KCNB2: variants seen among roughly 807,000 people sequenced by gnomAD.
The protein encoded by KCNB2 is potassium voltage-gated channel subfamily B member 2.
In KCNB2, 15 loss-of-function variants were observed where a neutral mutation model predicts 61.5. That is an observed-to-expected ratio of 0.24 (90% CI 0.16 to 0.38). The LOEUF (loss-of-function observed/expected upper bound fraction) is 0.38. KCNB2 is among the 10% of genes least tolerant of loss of function. The pLI is 1.00. For missense variants in KCNB2, 828 were observed against 1,125.2 expected, an observed-to-expected ratio of 0.74 and a Z score of 3.78; for synonymous variants, 457 against 446.0, an observed-to-expected ratio of 1.02 and a Z score of -0.31.
At chr8:72,845,171 T>C (rs1315649762) in intron 2 of KCNB2, among the ~76,000 whole-genome samples, 1 of 152,192 alleles carries the variant, frequency 6.6e-6, no homozygotes, top group Non-Finnish European at 1.5e-5. Flanking sequence ...TTTCTGTTAG[T>C]TTTCCTTCTA....
chr8:72,900,662 A>G (rs1038299550), intron 2 of KCNB2, among the ~76,000 whole-genome samples: 4 of 152,166 alleles, frequency 2.6e-5, no homozygotes, highest in African/African-American at 9.7e-5. Context: ...CAAAAAACAA[A>G]TAGCCCATAA....
chr8:72,802,126 T>C (rs1312328882), intron 2 of KCNB2, among the ~76,000 whole-genome samples: 4 of 152,234 alleles, frequency 2.6e-5, no homozygotes, highest in Admixed American at 2.6e-4. Context: ...TTCTTTTCAA[T>C]TGTTACGTAG....
At chr8:72,665,537 A>C (rs923534710) in intron 2 of KCNB2, among the ~76,000 whole-genome samples, 7 of 132,642 alleles carry the variant, frequency 5.3e-5, no homozygotes, top group Admixed American at 3.9e-4. Context: ...ATTATAAATA[A>C]CATAATAGAG....
At chr8:72,817,807 GA>G (rs1809427125) in intron 2 of KCNB2, among the ~76,000 whole-genome samples, 1 of 152,100 alleles carries the variant, frequency 6.6e-6, no homozygotes, top group South Asian at 2.1e-4. Flanking sequence ...TCTCCTCACA[GA>G]AATCTTCCAT....
At chr8:72,721,224 CT>C (rs745439788) in intron 2 of KCNB2, among the ~76,000 whole-genome samples, 2 of 152,222 alleles carry the variant, frequency 1.3e-5, no homozygotes, top group Non-Finnish European at 1.5e-5. Context: ...ACTGCTATTG[CT>C]ATGACACACG....
chr8:72,709,074 A>G (rs1228036628), intron 2 of KCNB2, among the ~76,000 whole-genome samples: 1 of 152,212 alleles, frequency 6.6e-6, no homozygotes, highest in Admixed American at 6.5e-5. Flanking sequence ...CCCTTTGATA[A>G]TACTGCTCTA....
At chr8:72,912,054 G>T (rs146166173) in intron 2 of KCNB2, among the ~76,000 whole-genome samples, 1 of 152,118 alleles carries the variant, frequency 6.6e-6, no homozygotes, top group African/African-American at 2.4e-5. Context: ...AATATCTCAC[G>T]TCATTCACTT....
intron 2 of KCNB2, among the ~76,000 whole-genome samples, chr8:72,575,690 A>G (rs1217519653): frequency 5.9e-5 from 9 of 152,178 alleles, no homozygotes. Context: ...AGTTTGTTCC[A>G]CAAAAGAGGC....
intron 2 of KCNB2, among the ~76,000 whole-genome samples, chr8:72,819,858 A>G (rs985076589): frequency 1.3e-5 from 2 of 152,162 alleles, no homozygotes; most frequent in Admixed American, 1.3e-4. Flanking sequence ...CTCCACTGCT[A>G]TCAAATAAAG....
At chr8:72,845,025 T>G (rs1251504215) in intron 2 of KCNB2, among the ~76,000 whole-genome samples, 1 of 152,188 alleles carries the variant, frequency 6.6e-6, no homozygotes, top group African/African-American at 2.4e-5. Flanking sequence ...GGTGTTCTGT[T>G]TTTTGGGATT....
At chr8:72,638,184 G>C (rs1431643450) in intron 2 of KCNB2, among the ~76,000 whole-genome samples, 1 of 152,080 alleles carries the variant, frequency 6.6e-6, no homozygotes, top group Non-Finnish European at 1.5e-5. Context: ...AACTCTGTAA[G>C]GGATCATTTA....
chr8:72,826,541 A>G (rs1403935490), intron 2 of KCNB2, among the ~76,000 whole-genome samples: 1 of 152,192 alleles, frequency 6.6e-6, no homozygotes, highest in African/African-American at 2.4e-5. Context: ...AATAAAAGGA[A>G]ATAGGTTTAA....
At position 72,537,516 on chromosome 8, in the gene KCNB2, C is replaced by G. The variant is rs1210698124; in HGVS notation, c.-463C>G. ...ATTTTTCCTCTTCTGTTCCAGCCCT[C>G]TCTTGTCTGGGTGGCTGTGGCGGCG... On this transcript the variant is annotated 5_prime_UTR_variant, in exon 1 of 3. Coordinates refer to ENST00000523207, the MANE Select transcript of KCNB2 (RefSeq NM_004770.3). The G allele has an allele frequency of 6.6e-6, 1 of 152,598 alleles. No homozygotes were observed. Among genetic ancestry groups the G allele is most frequent in the Non-Finnish European group, 1.5e-5 (1 of 68,386 alleles). The allele number at this position is 152,598 out of a possible 1,614,324, so 9.5% of individuals were successfully genotyped here.
intron 2 of KCNB2, among the ~76,000 whole-genome samples, chr8:72,788,344 T>C (rs1486008719): frequency 2.0e-5 from 3 of 152,096 alleles, no homozygotes; most frequent in Non-Finnish European, 2.9e-5. Flanking sequence ...GCAGATGATG[T>C]CTTCTCATTC....
chr8:72,658,177 C>T (rs1302471645), intron 2 of KCNB2, among the ~76,000 whole-genome samples: 1 of 152,094 alleles, frequency 6.6e-6, no homozygotes, highest in Non-Finnish European at 1.5e-5. Context: ...TTGAGCCACA[C>T]AGTCAGCCAA....
intron 1 of KCNB2, among the ~76,000 whole-genome samples, chr8:72,538,379 A>G (rs1806145752): frequency 6.6e-6 from 1 of 152,152 alleles, no homozygotes; most frequent in African/African-American, 2.4e-5. Flanking sequence ...TGTTTCCAAC[A>G]CACTCTGCTA....
intron 2 of KCNB2, among the ~76,000 whole-genome samples, chr8:72,736,014 C>T (rs1563575101): frequency 6.6e-6 from 1 of 152,090 alleles, no homozygotes; most frequent in Admixed American, 6.6e-5. Flanking sequence ...TGCAGGCCCA[C>T]AAGATTTTAA....
rs530060177 is a variant in KCNB2, at chr8:72,686,379, G to T, written c.579+118066G>T. On this transcript the variant is annotated intron_variant, in intron 2 of 2. Transcript: ENST00000523207. The stretch of plus-strand genomic sequence containing the variant: ...ATATTTTTTTTTGAAACAAGGTCTT[G>T]CTCTGTTGCCCAGGCTGGAGTGCAG... Among the ~76,000 whole-genome samples the T allele has an allele frequency of 7.9e-5, 12 of 152,032 alleles. No individual in the cohort carries two copies. In the South Asian group the frequency reaches 2.1e-3, roughly 26 times the overall value.
rs373154791 is a variant in KCNB2 at position 72,827,988 on chromosome 8, T to C, written c.580-107947T>C. 5.3e-4 allele frequency among the ~76,000 whole-genome samples: 81 copies of C among 152,190 alleles called. No individual in the cohort carries two copies. In the East Asian group the frequency reaches 9.7e-3, roughly 18 times the overall value. On this transcript the variant is annotated intron_variant, in intron 2 of 2. Transcript: ENST00000523207. ...CCACCATGCCCAGCTAATTTTTGTA[T>C]TTTTAGTAGAGACGGGGTTTCACCA... is the stretch of plus-strand genomic sequence containing the variant.
Sources: allele counts gnomAD v4.1 joint callset (sites outside exome capture counted in the v4.1 genomes callset), GRCh38; gene constraint gnomAD v4.1.1; transcripts MANE v1.5; gene names NCBI Gene and HGNC (gene_info 2026-07-23, HGNC 2026-07-21).